TRMT2B: variants seen among roughly 807,000 people sequenced by gnomAD.
TRMT2B encodes the protein tRNA (uracil-5-)-methyltransferase homolog B.
A neutral mutation model predicts 39.7 loss-of-function variants in TRMT2B; 34 were observed. The ratio of observed to expected loss-of-function variants is 0.86; its 90% confidence interval spans 0.65 to 1.14. The LOEUF (loss-of-function observed/expected upper bound fraction) is 1.14. Ranked by LOEUF, TRMT2B falls within the 50% of genes most tolerant of loss-of-function variation. TRMT2B has a pLI of 0.00. For synonymous variants in TRMT2B, 132 were observed against 137.3 expected (o/e 0.96, Z 0.27); for missense variants, 318 against 377.2 (o/e 0.84, Z 1.30).
intron 13 of TRMT2B, among the ~76,000 whole-genome samples, chrX:101,012,479 C>T (rs1381465470): frequency 1.0e-5 from 1 of 97,075 alleles, no homozygotes; most frequent in East Asian, 3.4e-4. Flanking sequence ...CCCCTCCCCC[C>T]AACCCACAAC....
At chrX:101,029,505 C>T (rs1371246606) in intron 7 of TRMT2B, among the ~76,000 whole-genome samples, 2 of 111,298 alleles carry the variant, frequency 1.8e-5, no homozygotes, top group African/African-American at 3.3e-5. Flanking sequence ...TCTATTTTTT[C>T]CCATGGCACT....
intron 7 of TRMT2B, among the ~76,000 whole-genome samples, chrX:101,034,501 C>T (rs1202733920): frequency 9.1e-6 from 1 of 110,456 alleles, no homozygotes; most frequent in Non-Finnish European, 1.9e-5. Context: ...AGGGAGGGAA[C>T]TGGGTAGAGG....
At chrX:101,019,455 G>A (rs1438018264) in intron 11 of TRMT2B, 52 bp from the exon 12 acceptor site, 1 of 1,197,375 alleles carries the variant, frequency 8.4e-7, no homozygotes, top group Non-Finnish European at 1.1e-6. Flanking sequence ...GTAAGGGAAA[G>A]CTTCAGCTTC....
chrX:101,027,781 C>T (rs1274374837), intron 7 of TRMT2B, among the ~76,000 whole-genome samples: 1 of 110,903 alleles, frequency 9.0e-6, no homozygotes, highest in Non-Finnish European at 1.9e-5. Context: ...ACTTAACATA[C>T]CCATTCAGAT....
intron 7 of TRMT2B, among the ~76,000 whole-genome samples, chrX:101,032,459 T>C (rs1290980577): frequency 1.9e-5 from 2 of 108,000 alleles, no homozygotes; most frequent in African/African-American, 6.8e-5. Flanking sequence ...TGGTGGCATG[T>C]GCCTGTAATT....
rs1008504574 is a variant in TRMT2B at position 101,041,340 on chromosome X, A to G, written c.280T>C (p.Leu94=). ...LADVVTPLWR[L]SYEEQLKVKF... is the part of the protein sequence containing the mutation. ...ACCTTGAGCTGTTCTTCATAGCTCA[A>G]CCTCCAGAGTGGTGTCACAACATCA... is the stretch of plus-strand genomic sequence containing the variant. Residue 94 remains leucine (L), a synonymous_variant, in exon 4 of 14, where the codon TTG becomes CTG. Coordinates refer to ENST00000372936, the MANE Select transcript of TRMT2B (RefSeq NM_024917.6). The G allele has an allele frequency of 8.3e-7, 1 of 1,209,417 alleles. No homozygotes were observed. The highest frequency in any genetic ancestry group is 1.1e-6 in the Non-Finnish European group (1 of 894,495).
intron 2 of TRMT2B, among the ~76,000 whole-genome samples, chrX:101,047,313 T>C (rs1163627839): frequency 1.8e-5 from 2 of 111,445 alleles, no homozygotes; most frequent in African/African-American, 6.5e-5. Context: ...GCATTACTAG[T>C]AACTGTCATG....
intron 2 of TRMT2B, among the ~76,000 whole-genome samples, chrX:101,045,347 G>A (rs747977245): frequency 4.7e-5 from 5 of 107,197 alleles, no homozygotes; most frequent in Non-Finnish European, 7.7e-5. Flanking sequence ...CCAGTTACTC[G>A]GGAGGCTGAG....
At chrX:101,036,837 C>T in intron 6 of TRMT2B, 137 bp downstream of exon 6, 1 of 491,015 alleles carries the variant, frequency 2.0e-6, no homozygotes, top group Non-Finnish European at 3.6e-6. Flanking sequence ...CGTAATCAAC[C>T]TTGTGATCAC....
the TRMT2B span, among the ~76,000 whole-genome samples, chrX:100,992,929 T>C: frequency 1.2e-4 from 13 of 111,782 alleles, no homozygotes; most frequent in Non-Finnish European, 5.6e-5. Context: ...ATGAACTAAC[T>C]CATAACTGCT....
the TRMT2B span, among the ~76,000 whole-genome samples, chrX:100,977,347 G>T: frequency 1.0e-5 from 1 of 96,714 alleles, no homozygotes; most frequent in South Asian, 5.1e-4. Flanking sequence ...CCACCCTGTA[G>T]TAATTATCCT....
At chrX:100,985,513 C>G in the TRMT2B span, among the ~76,000 whole-genome samples, 1 of 111,521 alleles carries the variant, frequency 9.0e-6, no homozygotes, top group Non-Finnish European at 1.9e-5. Context: ...ACTATATTTC[C>G]CTACTTTGTG....
chrX:101,018,451 T>C (rs1279775534), intron 13 of TRMT2B, among the ~76,000 whole-genome samples: 20 of 108,574 alleles, frequency 1.8e-4, no homozygotes, highest in African/African-American at 6.7e-4. Context: ...ACTTTTTTTT[T>C]TTTTTTTCTG....
chrX:101,006,728 C>T (rs2884863), downstream of TRMT2B, among the ~76,000 whole-genome samples: 50,177 of 108,168 alleles, frequency 0.46, 9,570 homozygotes, highest in African/African-American at 0.69. Context: ...CCTTGAGCCC[C>T]GGAGTTCAAG....
At chrX:100,976,737 A>G in the TRMT2B span, among the ~76,000 whole-genome samples, 1 of 112,088 alleles carries the variant, frequency 8.9e-6, no homozygotes, top group African/African-American at 3.2e-5. Context: ...CTCAGCCTCC[A>G]AGTAGCTGAC....
the TRMT2B span, among the ~76,000 whole-genome samples, chrX:100,984,570 T>C: frequency 1.8e-5 from 2 of 112,649 alleles, no homozygotes; most frequent in Admixed American, 1.9e-4. Context: ...TTGGAAGAGA[T>C]ATGTGGGAGA....
At chrX:101,045,745 C>T (rs1198370404) in intron 2 of TRMT2B, among the ~76,000 whole-genome samples, 1 of 109,722 alleles carries the variant, frequency 9.1e-6, no homozygotes, top group Non-Finnish European at 1.9e-5. Context: ...TTGCAGTGAG[C>T]CTAGATAACA....
intron 7 of TRMT2B, among the ~76,000 whole-genome samples, chrX:101,024,296 T>C (rs1445800362): frequency 8.9e-6 from 1 of 111,824 alleles, no homozygotes; most frequent in Admixed American, 9.6e-5. Flanking sequence ...GAGACTCTGA[T>C]CTTAGACTTG....
the TRMT2B span, among the ~76,000 whole-genome samples, chrX:100,994,972 A>G: frequency 2.7e-5 from 3 of 111,323 alleles, no homozygotes; most frequent in Admixed American, 2.9e-4. Flanking sequence ...TCCTCTCAAT[A>G]ACATCTTCAA....
Sources: allele counts gnomAD v4.1 joint callset (sites outside exome capture counted in the v4.1 genomes callset), GRCh38; gene constraint gnomAD v4.1.1; transcripts MANE v1.5; gene names NCBI Gene and HGNC (gene_info 2026-07-23, HGNC 2026-07-21).